The following AHCTF1 variants were observed in gnomAD, a reference collection of about 807,000 sequenced individuals.
The protein encoded by AHCTF1 is AT-hook containing transcription factor 1.
AHCTF1 carries 24 observed loss-of-function variants against 248.4 expected under a neutral mutation model. The ratio of observed to expected loss-of-function variants is 0.10; its 90% CI spans 0.07 to 0.14. AHCTF1 has a LOEUF of 0.14. Ranked by LOEUF, AHCTF1 falls within the 10% of genes least tolerant of loss-of-function variation. The probability of loss-of-function intolerance (pLI) is 1.00; values close to 1 mark genes in which losing one functional copy is unlikely to be tolerated. For synonymous variants in AHCTF1, 786 were observed against 929.8 expected (o/e 0.85, Z 2.81); for missense variants, 2,206 against 2,636.2 (o/e 0.84, Z 3.57).
chr1:246,845,142 G>C (rs1410004673), intron 33 of AHCTF1, among the ~76,000 whole-genome samples: 1 of 152,330 alleles, frequency 6.6e-6, no homozygotes, highest in East Asian at 1.9e-4. Context: ...TGTTACTTCA[G>C]CTACTGGGAT....
At chr1:246,922,941 CCA>C (rs2103246124) in intron 1 of AHCTF1, among the ~76,000 whole-genome samples, 2 of 141,092 alleles carry the variant, frequency 1.4e-5, no homozygotes, top group East Asian at 4.2e-4. Context: ...CGAGATTGCA[CCA>C]CTGCACTCTA....
In AHCTF1 at chr1:246,860,820, T is replaced by C. The variant is rs568913541; in HGVS notation, c.4132+79A>G. On this transcript the variant is annotated intron_variant, in intron 29 of 35. Coordinates refer to ENST00000648844, the MANE Select transcript of AHCTF1 (RefSeq NM_001323342.2). ...CAGTACCTGGCTAGGATGCTTTTCT[T>C]ATGGTGGAAAAAATTCTATTATAAA... 3.3e-6 allele frequency: 5 copies of C among 1,529,666 alleles called. No homozygotes were observed. In the African/African-American group the frequency reaches 6.9e-5, roughly 21 times the overall value. 94.8% of individuals were successfully genotyped at this position (1,529,666 alleles called of 1,614,324 possible).
At chr1:246,884,564 C>A (rs547609662) in intron 21 of AHCTF1, among the ~76,000 whole-genome samples, 5 of 152,324 alleles carry the variant, frequency 3.3e-5, no homozygotes, top group African/African-American at 1.2e-4. Context: ...GGAATTTCAG[C>A]TCCAAGCAAT....
At position 246,843,864 on chromosome 1, in the gene AHCTF1, G is replaced by T. The variant is rs1479559635; in HGVS notation, c.6456C>A (p.Val2152=). ...TGCTCCTTAAAGCAGGAGGTGAGATGACAAACTGAGAAGATAAATCCGAAA... is the reference window on the plus strand; with the variant it reads ...TGCTCCTTAAAGCAGGAGGTGAGATTACAAACTGAGAAGATAAATCCGAAA... ...ELVSDLSSQF[V]ISPPALRSRQ... Residue 2152 remains valine (V), a synonymous_variant, in exon 34 of 36, where the codon GTC becomes GTA. Transcript: ENST00000648844. 1 of 1,508,578 alleles carries T rather than the reference G, an allele frequency of 6.6e-7. No homozygotes were observed. The highest frequency in any genetic ancestry group is 1.4e-5 in the South Asian group (1 of 69,704). The allele number at this position is 1,508,578 out of a possible 1,614,324, so 93.4% of individuals were successfully genotyped here.
intron 1 of AHCTF1, chr1:246,930,998 G>C: frequency 7.8e-7 from 1 of 1,289,256 alleles, no homozygotes; most frequent in Non-Finnish European, 1.0e-6. Context: ...TGTTTCCCAG[G>C]TAGGAAAAAG....
chr1:246,899,307 G>T, intron 11 of AHCTF1, 144 bp downstream of exon 11: 1 of 583,902 alleles, frequency 1.7e-6, no homozygotes, highest in East Asian at 3.2e-5. Flanking sequence ...GATACTACTA[G>T]TTGATAATCT....
intron 4 of AHCTF1, among the ~76,000 whole-genome samples, chr1:246,911,578 G>A (rs1227150917): frequency 6.8e-6 from 1 of 146,066 alleles, no homozygotes; most frequent in African/African-American, 2.5e-5. Flanking sequence ...CCACCTCCCA[G>A]GTTCAAGTGA....
chr1:246,859,750 A>G (rs543810135), intron 29 of AHCTF1, among the ~76,000 whole-genome samples: 4 of 151,762 alleles, frequency 2.6e-5, no homozygotes, highest in Admixed American at 2.0e-4. Context: ...TAATTTTTTT[A>G]TATTTTTTGT....
intron 24 of AHCTF1, among the ~76,000 whole-genome samples, chr1:246,868,254 G>A (rs547788463): frequency 1.3e-4 from 20 of 151,758 alleles, no homozygotes; most frequent in East Asian, 7.8e-4. Context: ...TTAGCCTCCC[G>A]AGTAGCTGGG....
At chr1:246,883,945 G>A (rs977812052) in intron 21 of AHCTF1, among the ~76,000 whole-genome samples, 1 of 152,048 alleles carries the variant, frequency 6.6e-6, no homozygotes, top group Non-Finnish European at 1.5e-5. Flanking sequence ...GGAATCAAAA[G>A]GAGGAAAAAA....
At chr1:246,845,148 G>A (rs1298363822) in intron 33 of AHCTF1, among the ~76,000 whole-genome samples, 4 of 152,150 alleles carry the variant, frequency 2.6e-5, no homozygotes, top group Non-Finnish European at 4.4e-5. Flanking sequence ...TTCAGCTACT[G>A]GGATAGTCAA....
intron 4 of AHCTF1, among the ~76,000 whole-genome samples, chr1:246,908,936 A>C (rs1779975): frequency 6.6e-6 from 1 of 151,418 alleles, no homozygotes; most frequent in African/African-American, 2.4e-5. Context: ...TGAATGAAAC[A>C]ATTAGCTCAA....
At chr1:246,922,431 T>C (rs1462574379) in intron 1 of AHCTF1, among the ~76,000 whole-genome samples, 1 of 150,092 alleles carries the variant, frequency 6.7e-6, no homozygotes, top group African/African-American at 2.5e-5. Context: ...GTTTTTTGGG[T>C]TGTTTTTTTT....
At chr1:246,902,364 G>A (rs1466573365) in intron 8 of AHCTF1, among the ~76,000 whole-genome samples, 161 bp downstream of exon 8, 2 of 152,088 alleles carry the variant, frequency 1.3e-5, no homozygotes, top group African/African-American at 4.8e-5. Context: ...TAGCAATCTG[G>A]AGAGCAAGAA....
Position 246,853,059 on chromosome 1 carries a change from T to G in AHCTF1, c.4563+32A>C, listed in dbSNP as rs551508378. The G allele has an allele frequency of 3.2e-6, 5 of 1,538,814 alleles. No individual in the cohort carries two copies. In the African/African-American group the frequency reaches 4.1e-5, roughly 13 times the overall value. On this transcript the variant is annotated intron_variant, in intron 32 of 35. Transcript: ENST00000648844. ...AACAACTAAACCAAAACTGAAAGACTGATAAAGAAGTAAAAAATTAATTTT... is the reference window on the plus strand; with the variant it reads ...AACAACTAAACCAAAACTGAAAGACGGATAAAGAAGTAAAAAATTAATTTT...
In AHCTF1 at chr1:246,889,977, C is replaced by T; in HGVS notation, c.2133G>A (p.Glu711=). 6.2e-7 allele frequency: 1 copy of T among 1,611,062 alleles called. No homozygotes were observed. Among genetic ancestry groups the T allele is most frequent in the East Asian group, 2.2e-5 (1 of 44,784 alleles). ...NYYTSRRQKF[E]RLSRGKWNPD... ...TTGTTTTACTATACCTTGATAAACG[C>T]TCAAACTTCTGTCGACGACTGGTGT... The change falls in exon 17 of 36, where the codon GAG becomes GAA. Residue 711 remains glutamate, a synonymous_variant. Coordinates refer to ENST00000648844, the MANE Select transcript of AHCTF1 (RefSeq NM_001323342.2).
intron 23 of AHCTF1, among the ~76,000 whole-genome samples, chr1:246,876,588 T>C (rs762455348): frequency 6.6e-6 from 1 of 152,190 alleles, no homozygotes; most frequent in East Asian, 1.9e-4. Flanking sequence ...AGTCTGACCC[T>C]TGAAGTCCAA....
chr1:246,902,917 C>T (rs1357504769), intron 7 of AHCTF1, among the ~76,000 whole-genome samples: 1 of 152,124 alleles, frequency 6.6e-6, no homozygotes, highest in Non-Finnish European at 1.5e-5. Context: ...CACAGAAGCC[C>T]TCATGCACTA....
chr1:246,839,553 A>T lies in AHCTF1; in HGVS notation c.*1253T>A. 1 of 985,898 alleles carries T rather than the reference A, an allele frequency of 1.0e-6. No individual in the cohort carries two copies. Among genetic ancestry groups the T allele is most frequent in the Non-Finnish European group, 1.2e-6 (1 of 829,942 alleles). The allele number at this position is 985,898 out of a possible 1,614,324, so 61.1% of individuals were successfully genotyped here. A position where few individuals can be genotyped will look rare whatever the true frequency, so the allele number is the denominator to read the frequency against. ...AACCTGACTAAAAGGCCGCACTCGC[A>T]CTGCTTTCACACTGTCAACACTTTG... On this transcript the variant is annotated 3_prime_UTR_variant, in exon 36 of 36. Transcript: ENST00000648844.
Sources: gnomAD v4.1 joint callset for allele counts (sites outside exome capture counted in the v4.1 genomes callset) on GRCh38, gnomAD v4.1.1 for gene constraint, MANE v1.5 for transcripts, NCBI Gene and HGNC (gene_info 2026-07-23, HGNC 2026-07-21) for gene names.